Variants in CAMKMT observed in about 807,000 individuals in gnomAD.
The protein encoded by CAMKMT is calmodulin-lysine N-methyltransferase.
A neutral mutation model predicts 48.0 loss-of-function variants in CAMKMT; 53 were observed. The ratio of observed to expected loss-of-function variants is 1.10; its 90% confidence interval spans 0.89 to 1.39. The LOEUF (loss-of-function observed/expected upper bound fraction) is 1.39. CAMKMT is among the 40% of genes most tolerant of loss of function. CAMKMT has a pLI of 0.00. For synonymous variants in CAMKMT, 165 were observed against 152.3 expected, an observed-to-expected ratio of 1.08 and a Z score of -0.61; for missense variants, 428 against 402.7, an observed-to-expected ratio of 1.06 and a Z score of -0.54.
intron 3 of CAMKMT, among the ~76,000 whole-genome samples, chr2:44,668,572 C>T (rs1226505211): frequency 6.6e-6 from 1 of 152,206 alleles, no homozygotes; most frequent in Non-Finnish European, 1.5e-5. Flanking sequence ...CTTGAGTTGT[C>T]TATAGTGTTC....
At chr2:44,481,195 T>C (rs146158748) in intron 3 of CAMKMT, among the ~76,000 whole-genome samples, 1 of 152,104 alleles carries the variant, frequency 6.6e-6, no homozygotes, top group East Asian at 1.9e-4. Flanking sequence ...TTTTGTGCAT[T>C]GTCAGCTACT....
At chr2:44,565,890 C>T (rs1269180784) in intron 3 of CAMKMT, among the ~76,000 whole-genome samples, 1 of 152,182 alleles carries the variant, frequency 6.6e-6, no homozygotes, top group East Asian at 1.9e-4. Context: ...TATTTCAGAT[C>T]TTTTCACACA....
At chr2:44,630,629 A>G (rs1054787710) in intron 3 of CAMKMT, among the ~76,000 whole-genome samples, 9 of 151,968 alleles carry the variant, frequency 5.9e-5, no homozygotes, top group Non-Finnish European at 1.2e-4. Context: ...TTATGCAGCC[A>G]AAAAACACAT....
At chr2:44,694,945 A>G (rs1384425005) in intron 3 of CAMKMT, among the ~76,000 whole-genome samples, 2 of 152,224 alleles carry the variant, frequency 1.3e-5, no homozygotes, top group African/African-American at 4.8e-5. Context: ...TTATACAGAA[A>G]GCACTAAAGA....
At position 44,772,129 on chromosome 2, in the gene CAMKMT, A is replaced by G; in HGVS notation, c.*16A>G. On this transcript the variant is annotated 3_prime_UTR_variant, in exon 11 of 11. Transcript: ENST00000378494. ...ACATGGATAGAAGATTAAGCTTCTCAAAGACGAAGAAACGTATCAAGTGCA... is the reference window on the plus strand; with the variant it reads ...ACATGGATAGAAGATTAAGCTTCTCGAAGACGAAGAAACGTATCAAGTGCA... The G allele has an allele frequency of 6.3e-7, 1 of 1,598,672 alleles. No individual in the cohort carries two copies. Among genetic ancestry groups the G allele is most frequent in the Non-Finnish European group, 8.6e-7 (1 of 1,168,352 alleles).
At chr2:44,396,966 G>A (rs1218639899) in intron 3 of CAMKMT, among the ~76,000 whole-genome samples, 3 of 151,202 alleles carry the variant, frequency 2.0e-5, no homozygotes, top group Non-Finnish European at 1.5e-5. Flanking sequence ...GGCTGAGGCA[G>A]TAGAATCGCT....
chr2:44,457,521 C>A (rs1667628580), intron 3 of CAMKMT, among the ~76,000 whole-genome samples: 1 of 151,922 alleles, frequency 6.6e-6, no homozygotes, highest in Non-Finnish European at 1.5e-5. Flanking sequence ...ACCTCAGCCT[C>A]CCGAGTAGCT....
chr2:44,713,561 A>C (rs1678000177), intron 6 of CAMKMT, among the ~76,000 whole-genome samples: 1 of 152,186 alleles, frequency 6.6e-6, no homozygotes, highest in African/African-American at 2.4e-5. Flanking sequence ...AGTTAATCAA[A>C]ACAAGTAGGC....
chr2:44,546,677 A>G (rs1667427952), intron 3 of CAMKMT, among the ~76,000 whole-genome samples: 1 of 152,236 alleles, frequency 6.6e-6, no homozygotes, highest in South Asian at 2.1e-4. Context: ...AGAAATGGGT[A>G]GTTATTAATA....
At chr2:44,750,478 A>C (rs1680106266) in intron 8 of CAMKMT, among the ~76,000 whole-genome samples, 1 of 152,216 alleles carries the variant, frequency 6.6e-6, no homozygotes, top group African/African-American at 2.4e-5. Context: ...CTTTTTAAAA[A>C]GACATCGTTG....
chr2:44,367,255 G>T (rs1228726378), intron 1 of CAMKMT, among the ~76,000 whole-genome samples: 1 of 152,016 alleles, frequency 6.6e-6, no homozygotes, highest in Non-Finnish European at 1.5e-5. Flanking sequence ...ATCCGAGAAA[G>T]GAAACCTGGT....
chr2:44,561,653 C>A (rs1668328740), intron 3 of CAMKMT, among the ~76,000 whole-genome samples: 1 of 152,112 alleles, frequency 6.6e-6, no homozygotes, highest in Admixed American at 6.5e-5. Flanking sequence ...TGAATGATAT[C>A]TCTTATTAGG....
intron 2 of CAMKMT, among the ~76,000 whole-genome samples, chr2:44,387,621 G>A (rs1358581191): frequency 6.6e-6 from 1 of 151,928 alleles, no homozygotes; most frequent in African/African-American, 2.4e-5. Flanking sequence ...TGTTTTATAG[G>A]TCCTGTGTGA....
At position 44,748,499 on chromosome 2, in the gene CAMKMT, G is replaced by T. The variant is rs561897291; in HGVS notation, c.698+4803G>T. ...CATGTCCCAACCAGCCAGGTTTCCCGTAGGCCTGGGTAACTGACAGAGATA... is the reference window on the plus strand; with the variant it reads ...CATGTCCCAACCAGCCAGGTTTCCCTTAGGCCTGGGTAACTGACAGAGATA... On this transcript the variant is annotated intron_variant, in intron 8 of 10. Coordinates refer to ENST00000378494, the MANE Select transcript of CAMKMT (RefSeq NM_024766.5). 3.3e-5 allele frequency among the ~76,000 whole-genome samples: 5 copies of T among 152,172 alleles called. No individual in the cohort carries two copies. In the East Asian group the frequency reaches 7.7e-4, roughly 24 times the overall value.
At chr2:44,572,647 CTG>C (rs1208697390) in intron 3 of CAMKMT, among the ~76,000 whole-genome samples, 3 of 152,012 alleles carry the variant, frequency 2.0e-5, no homozygotes, top group Non-Finnish European at 4.4e-5. Flanking sequence ...GGGTCTATCT[CTG>C]GAAGTGGAAT....
intron 2 of CAMKMT, among the ~76,000 whole-genome samples, chr2:44,386,581 C>G (rs531242659): frequency 1.3e-5 from 2 of 152,008 alleles, no homozygotes; most frequent in South Asian, 2.1e-4. Flanking sequence ...GTTCTTGTTT[C>G]TCTAGTTCCT....
In CAMKMT at chr2:44,715,677, G is replaced by T. The variant is rs138764716; in HGVS notation, c.623+324G>T. On this transcript the variant is annotated intron_variant, in intron 7 of 10. Coordinates refer to ENST00000378494, the MANE Select transcript of CAMKMT (RefSeq NM_024766.5). ...TCCTTAAATGGCTCTCTTCCAGTGA[G>T]TCTCAGCCTAGGAGCAGTTTTGCCC... Among the ~76,000 whole-genome samples the T allele has an allele frequency of 6.6e-3, 999 of 152,304 alleles. 15 individuals carry two copies. Among genetic ancestry groups the T allele is most frequent in the African/African-American group, 0.023 (943 of 41,574 alleles).
intron 7 of CAMKMT, among the ~76,000 whole-genome samples, chr2:44,729,730 GAAGA>G (rs1678980068): frequency 6.6e-6 from 1 of 152,066 alleles, no homozygotes; most frequent in African/African-American, 2.4e-5. Flanking sequence ...AGCCAAGAAA[GAAGA>G]AAGAAGAAAG....
At chr2:44,677,169 G>A (rs1675747084) in intron 3 of CAMKMT, among the ~76,000 whole-genome samples, 1 of 152,162 alleles carries the variant, frequency 6.6e-6, no homozygotes, top group African/African-American at 2.4e-5. Context: ...ATTTTTTAAA[G>A]GACTGCTATA....
Sources: allele counts gnomAD v4.1 joint callset (sites outside exome capture counted in the v4.1 genomes callset), GRCh38; gene constraint gnomAD v4.1.1; transcripts MANE v1.5; gene names NCBI Gene and HGNC (gene_info 2026-07-23, HGNC 2026-07-21).